Variants in C1QTNF3 observed in about 807,000 individuals in gnomAD.
C1QTNF3 encodes the protein C1q and TNF related 3, also known as complement C1q tumor necrosis factor-related protein 3.
A neutral mutation model predicts 32.6 loss-of-function variants in C1QTNF3; 26 were observed. The ratio of observed to expected loss-of-function variants is 0.80; its 90% CI spans 0.58 to 1.11. The LOEUF is 1.11. C1QTNF3 is among the 50% of genes least tolerant of loss of function. The probability of loss-of-function intolerance (pLI) is 0.00; values close to 1 mark genes in which losing one functional copy is unlikely to be tolerated. For missense variants in C1QTNF3, 362 were observed against 398.2 expected, an observed-to-expected ratio of 0.91 and a Z score of 0.77; for synonymous variants, 155 against 146.0, an observed-to-expected ratio of 1.06 and a Z score of -0.44.
chr5:34,058,973 G>A, the C1QTNF3 span, among the ~76,000 whole-genome samples: 4 of 152,306 alleles, frequency 2.6e-5, no homozygotes, highest in Admixed American at 2.0e-4. Flanking sequence ...ACGAGAAACA[G>A]AGAATTACAG....
chr5:34,075,358 C>T, the C1QTNF3 span, among the ~76,000 whole-genome samples: 80 of 151,584 alleles, frequency 5.3e-4, no homozygotes, highest in Admixed American at 1.6e-3. Context: ...AAGATCCTAC[C>T]GGGAAATACT....
chr5:34,235,387 TG>T, the C1QTNF3 span, among the ~76,000 whole-genome samples: 1 of 152,154 alleles, frequency 6.6e-6, no homozygotes, highest in Admixed American at 6.5e-5. Flanking sequence ...TACTGGTATG[TG>T]GTGGTATAGC....
chr5:34,216,685 T>TA, the C1QTNF3 span, among the ~76,000 whole-genome samples: 1 of 152,336 alleles, frequency 6.6e-6, no homozygotes, highest in Non-Finnish European at 1.5e-5. Context: ...TCTAAAAAGC[T>TA]ATTACTAAAT....
chr5:34,163,263 T>C, the C1QTNF3 span, among the ~76,000 whole-genome samples: 1 of 152,098 alleles, frequency 6.6e-6, no homozygotes, highest in African/African-American at 2.4e-5. Flanking sequence ...GGTGATGTTA[T>C]GTACAACAAC....
the C1QTNF3 span, among the ~76,000 whole-genome samples, chr5:34,135,496 A>AT: frequency 6.6e-6 from 1 of 152,132 alleles, no homozygotes; most frequent in East Asian, 1.9e-4. Flanking sequence ...AAGGAATGGT[A>AT]ACAGCTCCTC....
chr5:34,147,086 T>C, the C1QTNF3 span, among the ~76,000 whole-genome samples: 1 of 152,048 alleles, frequency 6.6e-6, no homozygotes, highest in Admixed American at 6.6e-5. Flanking sequence ...TGCAAATCTA[T>C]ACCACAATGA....
the C1QTNF3 span, among the ~76,000 whole-genome samples, chr5:34,210,067 TTA>T: frequency 6.6e-6 from 1 of 152,042 alleles, no homozygotes; most frequent in Non-Finnish European, 1.5e-5. Context: ...AATTGATTTT[TTA>T]TGTTATTCTC....
At chr5:34,080,692 T>C in the C1QTNF3 span, among the ~76,000 whole-genome samples, 2 of 151,866 alleles carry the variant, frequency 1.3e-5, no homozygotes, top group African/African-American at 4.9e-5. Flanking sequence ...TTCTTCCTTC[T>C]TTCACTTTAG....
chr5:34,206,683 CGTG>C, the C1QTNF3 span, among the ~76,000 whole-genome samples: 1 of 145,236 alleles, frequency 6.9e-6, no homozygotes, highest in Non-Finnish European at 1.5e-5. Context: ...GTGGGGCTGA[CGTG>C]GTGACCGTGG....
chr5:34,134,973 T>C, the C1QTNF3 span, among the ~76,000 whole-genome samples: 1 of 152,184 alleles, frequency 6.6e-6, no homozygotes, highest in Non-Finnish European at 1.5e-5. Context: ...ATAGGAGTGG[T>C]GAGAGAGGGC....
chr5:34,090,202 AT>A, the C1QTNF3 span, among the ~76,000 whole-genome samples: 2 of 149,680 alleles, frequency 1.3e-5, no homozygotes, highest in African/African-American at 2.5e-5. Context: ...CATAAAAATT[AT>A]GTTAGTTACC....
At chr5:34,157,252 C>T in the C1QTNF3 span, among the ~76,000 whole-genome samples, 4 of 152,164 alleles carry the variant, frequency 2.6e-5, no homozygotes, top group African/African-American at 9.7e-5. Flanking sequence ...TCCTATTTCA[C>T]AGTAGCCACA....
At chr5:34,142,850 G>T in the C1QTNF3 span, among the ~76,000 whole-genome samples, 3 of 152,168 alleles carry the variant, frequency 2.0e-5, no homozygotes, top group African/African-American at 7.2e-5. Context: ...ATCAGCACAA[G>T]TACTCTGGCA....
the C1QTNF3 span, among the ~76,000 whole-genome samples, chr5:34,088,863 G>A: frequency 2.0e-5 from 3 of 151,934 alleles, no homozygotes; most frequent in Admixed American, 1.3e-4. Context: ...AGCACACCTA[G>A]GCATTATTTA....
chr5:34,094,458 G>C, the C1QTNF3 span, among the ~76,000 whole-genome samples: 1 of 151,854 alleles, frequency 6.6e-6, no homozygotes, highest in Non-Finnish European at 1.5e-5. Flanking sequence ...AATTAAAATA[G>C]AGCAAGTCCT....
At chr5:34,234,900 AT>A in the C1QTNF3 span, among the ~76,000 whole-genome samples, 1 of 151,830 alleles carries the variant, frequency 6.6e-6, no homozygotes, top group East Asian at 1.9e-4. Context: ...TTAAGCCTTA[AT>A]TTTTTTTCTC....
At chr5:34,073,691 A>T in the C1QTNF3 span, among the ~76,000 whole-genome samples, 1 of 152,084 alleles carries the variant, frequency 6.6e-6, no homozygotes. Context: ...TTCCTTCACA[A>T]TGTATTTTAT....
chr5:34,196,878 T>G, the C1QTNF3 span, among the ~76,000 whole-genome samples: 1 of 152,310 alleles, frequency 6.6e-6, no homozygotes, highest in Non-Finnish European at 1.5e-5. Context: ...GTAAGGATGG[T>G]CTCGATCTCC....
chr5:34,124,846 A>G, the C1QTNF3 span, among the ~76,000 whole-genome samples: 1 of 152,212 alleles, frequency 6.6e-6, no homozygotes, highest in East Asian at 1.9e-4. Flanking sequence ...TACAAAAGTG[A>G]TTGATTCTCC....
Sources: gnomAD v4.1 joint callset for allele counts (sites outside exome capture counted in the v4.1 genomes callset) on GRCh38, gnomAD v4.1.1 for gene constraint, MANE v1.5 for transcripts, NCBI Gene and HGNC (gene_info 2026-07-23, HGNC 2026-07-21) for gene names.